Variants in ZFHX3 observed in about 807,000 individuals in gnomAD.
ZFHX3 encodes the protein zinc finger homeobox 3, also known as zinc finger homeobox protein 3.
A neutral mutation model predicts 279.1 loss-of-function variants in ZFHX3; 42 were observed. That is an observed-to-expected ratio of 0.15 (90% CI 0.12 to 0.19). The LOEUF (loss-of-function observed/expected upper bound fraction) is 0.19, where lower values mean the gene tolerates loss of function less well. Among genes scored for constraint, ZFHX3 ranks in the 10% least tolerant of loss-of-function variants. The pLI, the probability that ZFHX3 is intolerant of heterozygous loss-of-function variation, is 1.00. For synonymous variants in ZFHX3, 2,293 were observed against 1,957.8 expected (o/e 1.17, Z -4.52); for missense variants, 4,981 against 4,754.0 (o/e 1.05, Z -1.40).
At chr16:72,932,356 G>C (rs1459563069) in intron 3 of ZFHX3, among the ~76,000 whole-genome samples, 1 of 152,110 alleles carries the variant, frequency 6.6e-6, no homozygotes, top group Non-Finnish European at 1.5e-5. Context: ...GGTGGAGCAA[G>C]CCATAGCCAC....
intron 4 of ZFHX3, among the ~76,000 whole-genome samples, chr16:73,273,123 G>T (rs1236175620): frequency 6.6e-6 from 1 of 152,092 alleles, no homozygotes; most frequent in African/African-American, 2.4e-5. Context: ...CAGTCTTTCA[G>T]CCCCTAACGA....
chr16:73,684,738 T>A (rs1249741743), intron 1 of ZFHX3, among the ~76,000 whole-genome samples: 3 of 149,074 alleles, frequency 2.0e-5, no homozygotes, highest in African/African-American at 7.5e-5. Flanking sequence ...TCTTGCTCTG[T>A]CACCCAGGCT....
intron 2 of ZFHX3, among the ~76,000 whole-genome samples, chr16:73,613,850 G>T (rs1015379396): frequency 6.6e-6 from 1 of 152,184 alleles, no homozygotes; most frequent in African/African-American, 2.4e-5. Flanking sequence ...CCGAGTTCCT[G>T]CTGCTGCGGC....
chr16:73,407,255 G>C (rs879043282), intron 3 of ZFHX3, among the ~76,000 whole-genome samples: 1 of 152,166 alleles, frequency 6.6e-6, no homozygotes, highest in African/African-American at 2.4e-5. Context: ...CTAAGGGACT[G>C]TAAATGCGGC....
chr16:72,800,272 C>T (rs1019173336), intron 7 of ZFHX3, 143 bp from the exon 8 acceptor site: 1 of 660,208 alleles, frequency 1.5e-6, no homozygotes, highest in African/African-American at 1.8e-5. Context: ...ACTGAAGATT[C>T]ATGTTTATTA....
chr16:73,006,682 A>G (rs984296315), intron 1 of ZFHX3, among the ~76,000 whole-genome samples: 1 of 94,358 alleles, frequency 1.1e-5, no homozygotes, highest in Non-Finnish European at 2.1e-5. Flanking sequence ...GGAAGGAAAG[A>G]GGAAAGGAAG....
intron 1 of ZFHX3, among the ~76,000 whole-genome samples, chr16:73,778,264 C>CAAAAAAAAAAA (rs1184188798): frequency 5.0e-5 from 3 of 60,508 alleles, no homozygotes; most frequent in African/African-American, 2.7e-4. Flanking sequence ...AAAAAAAAAG[C>CAAAAAAAAAAA]ATTGGACTTC....
At chr16:73,540,443 A>G (rs2019991161) in intron 2 of ZFHX3, among the ~76,000 whole-genome samples, 1 of 152,186 alleles carries the variant, frequency 6.6e-6, no homozygotes, top group African/African-American at 2.4e-5. Context: ...CCAGCTCCTA[A>G]CTTTTAGTCG....
intron 3 of ZFHX3, among the ~76,000 whole-genome samples, chr16:73,431,672 G>A (rs2017914398): frequency 6.6e-6 from 1 of 152,180 alleles, no homozygotes; most frequent in Non-Finnish European, 1.5e-5. Flanking sequence ...ATGATGTAAT[G>A]AATATCTTTT....
chr16:72,901,794 G>A (rs897695783), intron 3 of ZFHX3, among the ~76,000 whole-genome samples: 6 of 152,188 alleles, frequency 3.9e-5, no homozygotes, highest in African/African-American at 9.7e-5. Context: ...GGACGGCCAC[G>A]TGGCGAGAGG....
At chr16:73,356,842 T>A (rs2016349469) in intron 3 of ZFHX3, among the ~76,000 whole-genome samples, 1 of 151,804 alleles carries the variant, frequency 6.6e-6, no homozygotes, top group Non-Finnish European at 1.5e-5. Context: ...TGAGGGCTTT[T>A]TTTTTTTTTT....
intron 2 of ZFHX3, among the ~76,000 whole-genome samples, chr16:73,502,261 A>G (rs2019252329): frequency 6.6e-6 from 1 of 152,234 alleles, no homozygotes; most frequent in Non-Finnish European, 1.5e-5. Flanking sequence ...CTGTGCCAAC[A>G]AGACCTGCCA....
intron 1 of ZFHX3, among the ~76,000 whole-genome samples, chr16:72,996,742 T>C (rs756791876): frequency 8.5e-5 from 13 of 152,242 alleles, no homozygotes; most frequent in Non-Finnish European, 1.9e-4. Flanking sequence ...AGCTGCTGGA[T>C]GCTAAGGACT....
chr16:73,090,267 C>G (rs1462148438), intron 8 of ZFHX3, among the ~76,000 whole-genome samples: 1 of 152,088 alleles, frequency 6.6e-6, no homozygotes, highest in Non-Finnish European at 1.5e-5. Flanking sequence ...GTGGCATGCG[C>G]CCATGGTCCC....
chr16:73,818,256 G>A (rs1402773950), intron 1 of ZFHX3, among the ~76,000 whole-genome samples: 1 of 152,162 alleles, frequency 6.6e-6, no homozygotes, highest in African/African-American at 2.4e-5. Context: ...AATACTTTGA[G>A]GCAATGTAGT....
At chr16:73,055,856 A>ACG (rs1178667112) in intron 1 of ZFHX3, among the ~76,000 whole-genome samples, 2 of 151,432 alleles carry the variant, frequency 1.3e-5, no homozygotes, top group Non-Finnish European at 2.9e-5. Context: ...CTACACACAC[A>ACG]CACACACACA....
intron 1 of ZFHX3, among the ~76,000 whole-genome samples, chr16:73,725,548 T>TGC (rs2053511871): frequency 6.6e-6 from 1 of 151,874 alleles, no homozygotes; most frequent in Admixed American, 6.6e-5. Context: ...TGAGTGTGTG[T>TGC]GTGTGTGTGT....
In ZFHX3 at chr16:72,786,115, G is replaced by A. The variant is rs935732405; in HGVS notation, c.*1049C>T. On this transcript the variant is annotated 3_prime_UTR_variant, in exon 10 of 10. Coordinates refer to ENST00000268489, the MANE Select transcript of ZFHX3 (RefSeq NM_006885.4). ...ACAAGAAAGAGAAAGTGGAATTAAG[G>A]GACAAGGGGAGAAAAGCTTAGGCGA... is the stretch of plus-strand genomic sequence containing the variant. The A allele has an allele frequency of 6.6e-6, 1 of 152,166 alleles. No individual in the cohort carries two copies. Among genetic ancestry groups the A allele is most frequent in the Admixed American group, 6.6e-5 (1 of 15,264 alleles). The allele number at this position is 152,166 out of a possible 1,614,324, so 9.4% of individuals were successfully genotyped here. A position where few individuals can be genotyped will look rare whatever the true frequency, so the allele number is the denominator to read the frequency against.
rs1597158283 is a variant in ZFHX3 at position 73,105,396 on chromosome 16, T to TATATATATATATACACACACACAC, written c.-896-11799_-896-11798insGTGTGTGTGTGTATATATATATAT. On this transcript the variant is annotated intron_variant, in intron 7 of 17. Transcript: ENST00000641206. ...ATATATATATATACACACACACACA[T>TATATATATATATACACACACACAC]ATATATATATATACACACACACATA... Among the ~76,000 whole-genome samples, 16 of 33,076 alleles carry TATATATATATATACACACACACAC rather than the reference T, an allele frequency of 4.8e-4. 1 individual carries two copies. The highest frequency in any genetic ancestry group is 1.2e-3 in the Non-Finnish European group (16 of 13,376). 21.7% of individuals were successfully genotyped at this position (33,076 alleles called of 152,430 possible). A position where few individuals can be genotyped will look rare whatever the true frequency, so the allele number is the denominator to read the frequency against.
Sources: gnomAD v4.1 joint callset for allele counts (sites outside exome capture counted in the v4.1 genomes callset) on GRCh38, gnomAD v4.1.1 for gene constraint, MANE v1.5 for transcripts, NCBI Gene and HGNC (gene_info 2026-07-23, HGNC 2026-07-21) for gene names.